UHRF1: variants seen among roughly 807,000 people sequenced by gnomAD.
The protein encoded by UHRF1 is E3 ubiquitin-protein ligase UHRF1.
Under a neutral mutation model 96.5 loss-of-function variants are expected in UHRF1, and 9 were observed. The ratio of observed to expected loss-of-function variants is 0.09; its 90% CI spans 0.06 to 0.16. The LOEUF is 0.16. Among genes scored for constraint, UHRF1 ranks in the 10% least tolerant of loss-of-function variants. The probability of loss-of-function intolerance (pLI) is 1.00; values close to 1 mark genes in which losing one functional copy is unlikely to be tolerated. For missense variants in UHRF1, 626 were observed against 1,131.1 expected (o/e 0.55, Z 6.40); for synonymous variants, 455 against 469.9 (o/e 0.97, Z 0.41).
chr19:4,933,165 T>C (rs2033110301), intron 5 of UHRF1, among the ~76,000 whole-genome samples: 1 of 152,220 alleles, frequency 6.6e-6, no homozygotes, highest in African/African-American at 2.4e-5. Flanking sequence ...TGAGTGCCTC[T>C]GCCCAGGGAA....
chr19:4,929,961 C>G (rs1010114843), intron 3 of UHRF1, among the ~76,000 whole-genome samples: 1 of 151,580 alleles, frequency 6.6e-6, no homozygotes, highest in Non-Finnish European at 1.5e-5. Flanking sequence ...CCACCACGCC[C>G]AGCTAATTTT....
chr19:4,948,394 T>C (rs1166315516), intron 11 of UHRF1, among the ~76,000 whole-genome samples: 1 of 152,138 alleles, frequency 6.6e-6, no homozygotes, highest in Non-Finnish European at 1.5e-5. Flanking sequence ...TATAAATATA[T>C]TACATAAATA....
At position 4,945,834 on chromosome 19, in the gene UHRF1, C is replaced by A. The variant is rs750350128; in HGVS notation, c.1306-27C>A. 8 of 1,577,498 alleles carry A rather than the reference C, an allele frequency of 5.1e-6. No homozygotes were observed. The Admixed American group carries it at 5.3e-5, about 10-fold the overall frequency. On this transcript the variant is annotated intron_variant, in intron 9 of 16. Transcript: ENST00000650932. ...TCTGCAGCAGTCATTGCAGAGGACA[C>A]CATGTATATCTTGGTGGCATCCTCA...
chr19:4,944,508 G>A, intron 9 of UHRF1, 58 bp downstream of exon 9: 1 of 1,593,306 alleles, frequency 6.3e-7, no homozygotes. Context: ...CTTTTCTGGG[G>A]GCAGTTTCTC....
intron 11 of UHRF1, among the ~76,000 whole-genome samples, chr19:4,947,778 C>G (rs903236710): frequency 6.6e-6 from 1 of 151,870 alleles, no homozygotes; most frequent in Non-Finnish European, 1.5e-5. Flanking sequence ...GTATTACAGG[C>G]ATGAGCCACT....
intron 11 of UHRF1, 108 bp downstream of exon 11, chr19:4,947,319 A>G: frequency 9.8e-7 from 1 of 1,020,734 alleles, no homozygotes; most frequent in Non-Finnish European, 1.5e-6. Flanking sequence ...GGAGCGTGGT[A>G]GAACATAGCG....
upstream of UHRF1, among the ~76,000 whole-genome samples, chr19:4,905,222 T>G (rs1161244854): frequency 6.8e-6 from 1 of 146,936 alleles, no homozygotes; most frequent in Non-Finnish European, 1.5e-5. Flanking sequence ...GTTCACGCCA[T>G]TCTCCTGCCT....
intron 5 of UHRF1, among the ~76,000 whole-genome samples, chr19:4,938,525 TTTTGTTTG>T (rs951888659): frequency 1.3e-5 from 2 of 151,834 alleles, no homozygotes; most frequent in African/African-American, 4.8e-5. Flanking sequence ...GACAGTTTTT[TTTTGTTTG>T]TTTGTTTGTT....
chr19:4,926,607 T>TA (rs377312781), intron 2 of UHRF1, among the ~76,000 whole-genome samples: 10 of 151,808 alleles, frequency 6.6e-5, no homozygotes, highest in Admixed American at 3.3e-4. Context: ...ACCTCATCTC[T>TA]AAAAAAAATT....
intron 5 of UHRF1, among the ~76,000 whole-genome samples, chr19:4,940,021 C>CAAA (rs529825403): frequency 0.01 from 760 of 72,594 alleles, 6 homozygotes; most frequent in African/African-American, 0.038. Flanking sequence ...GAGACTGTCT[C>CAAA]AAAAAAAAAA....
chr19:4,907,704 C>CTTTTTT (rs59867968), upstream of UHRF1, among the ~76,000 whole-genome samples: 3 of 47,666 alleles, frequency 6.3e-5, no homozygotes, highest in African/African-American at 1.0e-4. Context: ...TTGGCCTGAT[C>CTTTTTT]TTTTTTTTTT....
chr19:4,927,564 G>A (rs1474399700), intron 2 of UHRF1, among the ~76,000 whole-genome samples: 1 of 152,064 alleles, frequency 6.6e-6, no homozygotes, highest in African/African-American at 2.4e-5. Context: ...GGCGAAAGGA[G>A]GAAGAGCTGA....
chr19:4,916,270 C>A (rs1181228706), intron 2 of UHRF1, among the ~76,000 whole-genome samples: 1 of 150,252 alleles, frequency 6.7e-6, no homozygotes, highest in Non-Finnish European at 1.5e-5. Context: ...TGTACCACTG[C>A]ATTCCAGCCT....
chr19:4,929,495 G>C lies in UHRF1; in HGVS notation c.408+19G>C, dbSNP rs768089608. On this transcript the variant is annotated intron_variant, in intron 3 of 16. Coordinates refer to ENST00000650932, the MANE Select transcript of UHRF1 (RefSeq NM_001048201.3). ...GTACAAGGTGAGCCTCCCCTCCGCA[G>C]CTGCTCTGGGGTTGGACGTTCTCCC... The C allele has an allele frequency of 3.1e-6, 5 of 1,602,680 alleles. No homozygotes were observed. In the South Asian group the frequency reaches 4.4e-5, roughly 14 times the overall value.
At chr19:4,919,524 G>T (rs888495750) in intron 2 of UHRF1, among the ~76,000 whole-genome samples, 13 of 151,792 alleles carry the variant, frequency 8.6e-5, no homozygotes, top group African/African-American at 3.1e-4. Flanking sequence ...GGATGGTTTC[G>T]ATCTCCTGAC....
At chr19:4,932,702 G>T in intron 4 of UHRF1, 39 bp from the exon 5 acceptor site, 1 of 1,606,992 alleles carries the variant, frequency 6.2e-7, no homozygotes, top group Non-Finnish European at 8.5e-7. Flanking sequence ...AGGAGGCTTG[G>T]TCTTAGCACG....
intron 16 of UHRF1, among the ~76,000 whole-genome samples, chr19:4,958,762 A>T (rs1429027124): frequency 6.6e-6 from 1 of 152,146 alleles, no homozygotes; most frequent in East Asian, 1.9e-4. Flanking sequence ...ACTTGAGGTC[A>T]GGAGTTTGAG....
intron 2 of UHRF1, among the ~76,000 whole-genome samples, chr19:4,921,882 G>A (rs1297960696): frequency 6.6e-6 from 1 of 152,206 alleles, no homozygotes; most frequent in Non-Finnish European, 1.5e-5. Context: ...CTCAGGCCAC[G>A]AGGAGTGCTT....
chr19:4,933,046 G>A (rs929038917), intron 5 of UHRF1, 90 bp downstream of exon 5: 40 of 1,399,636 alleles, frequency 2.9e-5, no homozygotes, highest in East Asian at 1.0e-4. Flanking sequence ...TCCAGCCAGC[G>A]CTGTGTGTGC....
Sources: gnomAD v4.1 joint callset for allele counts (sites outside exome capture counted in the v4.1 genomes callset) on GRCh38, gnomAD v4.1.1 for gene constraint, MANE v1.5 for transcripts, NCBI Gene and HGNC (gene_info 2026-07-23, HGNC 2026-07-21) for gene names.